The following HS3ST3A1 variants were observed in gnomAD, a reference collection of about 807,000 sequenced individuals.
HS3ST3A1 encodes the protein heparan sulfate glucosamine 3-O-sulfotransferase 3A1.
In HS3ST3A1, 19 loss-of-function variants were observed where a neutral mutation model predicts 25.7. The ratio of observed to expected loss-of-function variants is 0.74; its 90% CI spans 0.52 to 1.08. The LOEUF is 1.08. Ranked by LOEUF, HS3ST3A1 falls within the 50% of genes least tolerant of loss-of-function variation. The pLI is 0.00. For synonymous variants in HS3ST3A1, 226 were observed against 278.6 expected (o/e 0.81, Z 1.88); for missense variants, 459 against 594.3 (o/e 0.77, Z 2.37).
intron 1 of HS3ST3A1, among the ~76,000 whole-genome samples, chr17:13,593,063 C>T (rs1440290879): frequency 6.6e-6 from 1 of 152,120 alleles, no homozygotes; most frequent in Non-Finnish European, 1.5e-5. Flanking sequence ...AAAGTGTCTA[C>T]AACAAAGGTT....
At chr17:13,585,647 C>T (rs1455426916) in intron 1 of HS3ST3A1, among the ~76,000 whole-genome samples, 1 of 151,840 alleles carries the variant, frequency 6.6e-6, no homozygotes, top group African/African-American at 2.4e-5. Flanking sequence ...CAGTAGGACT[C>T]GGAAGACCTA....
intron 1 of HS3ST3A1, among the ~76,000 whole-genome samples, chr17:13,521,875 CTTTG>C (rs1906256371): frequency 6.6e-6 from 1 of 152,118 alleles, no homozygotes; most frequent in South Asian, 2.1e-4. Context: ...ATGGATAATT[CTTTG>C]TTTGGGGGCT....
At chr17:13,514,137 A>AT (rs930389006) in intron 1 of HS3ST3A1, among the ~76,000 whole-genome samples, 1 of 151,126 alleles carries the variant, frequency 6.6e-6, no homozygotes, top group African/African-American at 2.4e-5. Context: ...TTCTAATGGG[A>AT]TTTTTTTTCT....
At chr17:13,599,690 G>A (rs1159903610) in intron 1 of HS3ST3A1, among the ~76,000 whole-genome samples, 1 of 152,184 alleles carries the variant, frequency 6.6e-6, no homozygotes, top group Non-Finnish European at 1.5e-5. Context: ...AATTTGAAGA[G>A]ACTGGCAAAT....
rs5819419 is a variant in HS3ST3A1 at position 13,593,233 on chromosome 17, C to CAAAAAAAAAA, written c.599+7288_599+7297dup. The stretch of plus-strand genomic sequence containing the variant: ...CACCTGTTCCTTCTATGTTTGTAGC[C>CAAAAAAAAAA]AAAAAAAAAAAAAAAAAAAAGTCAT... On this transcript the variant is annotated intron_variant, in intron 1 of 1. Transcript: ENST00000284110. Among the ~76,000 whole-genome samples the CAAAAAAAAAA allele has an allele frequency of 1.2e-3, 127 of 103,160 alleles. 5 individuals are homozygous for CAAAAAAAAAA. The highest frequency in any genetic ancestry group is 4.0e-3 in the African/African-American group (113 of 28,136). The allele number at this position is 103,160 out of a possible 152,430, so 67.7% of individuals were successfully genotyped here.
rs143458070 is a variant in HS3ST3A1, at chr17:13,546,839, G to A, written c.600-50021C>T. Among the ~76,000 whole-genome samples the A allele has an allele frequency of 1.0e-3, 157 of 152,298 alleles. 1 individual carries two copies. Among genetic ancestry groups the A allele is most frequent in the African/African-American group, 3.7e-3 (152 of 41,574 alleles). ...ATTTGTTGAATAAATGAAAATACTT[G>A]TGTCATGATAAAAGGGATTCTGGAG... On this transcript the variant is annotated intron_variant, in intron 1 of 1. Transcript: ENST00000284110.
At chr17:13,599,075 C>G (rs1164306706) in intron 1 of HS3ST3A1, among the ~76,000 whole-genome samples, 2 of 152,010 alleles carry the variant, frequency 1.3e-5, no homozygotes, top group African/African-American at 4.8e-5. Flanking sequence ...ACAGAGCTGC[C>G]TTTGTGCTAA....
chr17:13,500,933 T>G (rs564355401), intron 1 of HS3ST3A1, among the ~76,000 whole-genome samples: 1 of 152,366 alleles, frequency 6.6e-6, no homozygotes, highest in African/African-American at 2.4e-5. Context: ...AATGGAATAC[T>G]ATTCAGAAAT....
chr17:13,569,627 T>A (rs73296177), intron 1 of HS3ST3A1, among the ~76,000 whole-genome samples: 7,339 of 152,232 alleles, frequency 0.048, 382 homozygotes, highest in East Asian at 0.12. Flanking sequence ...TCCATTTCTA[T>A]CTCTCTATAC....
intron 1 of HS3ST3A1, among the ~76,000 whole-genome samples, chr17:13,540,295 C>A (rs1288045426): frequency 6.6e-6 from 1 of 152,062 alleles, no homozygotes; most frequent in Non-Finnish European, 1.5e-5. Context: ...TGAGTTCTTG[C>A]CAAAGGGTTC....
At chr17:13,595,556 A>G (rs1181637141) in intron 1 of HS3ST3A1, among the ~76,000 whole-genome samples, 2 of 152,188 alleles carry the variant, frequency 1.3e-5, no homozygotes, top group Non-Finnish European at 2.9e-5. Flanking sequence ...ATTTCCTCTG[A>G]TTACATATTA....
At chr17:13,586,375 A>T (rs1014282704) in intron 1 of HS3ST3A1, among the ~76,000 whole-genome samples, 1 of 151,666 alleles carries the variant, frequency 6.6e-6, no homozygotes, top group Admixed American at 6.6e-5. Flanking sequence ...TCCGTATGCC[A>T]CCGAGAACTA....
At chr17:13,546,147 C>T (rs1907083772) in intron 1 of HS3ST3A1, among the ~76,000 whole-genome samples, 1 of 152,212 alleles carries the variant, frequency 6.6e-6, no homozygotes, top group African/African-American at 2.4e-5. Context: ...AACTCCTCAC[C>T]ACTAAGATGC....
intron 1 of HS3ST3A1, among the ~76,000 whole-genome samples, chr17:13,580,042 A>C (rs544561680): frequency 6.6e-6 from 1 of 151,798 alleles, no homozygotes; most frequent in Admixed American, 6.6e-5. Context: ...CCAGTTTTGC[A>C]TTTGCCATGT....
At chr17:13,569,578 T>A (rs1423857160) in intron 1 of HS3ST3A1, among the ~76,000 whole-genome samples, 1 of 152,146 alleles carries the variant, frequency 6.6e-6, no homozygotes, top group East Asian at 1.9e-4. Flanking sequence ...ATCAGGTGAT[T>A]CACGGCCAGT....
At chr17:13,517,926 G>A (rs928301133) in intron 1 of HS3ST3A1, among the ~76,000 whole-genome samples, 2 of 152,228 alleles carry the variant, frequency 1.3e-5, no homozygotes, top group Admixed American at 6.5e-5. Flanking sequence ...TTACAGGCAT[G>A]AGTCACTGTG....
At chr17:13,497,329 C>G (rs537653799) in intron 1 of HS3ST3A1, among the ~76,000 whole-genome samples, 24 of 152,260 alleles carry the variant, frequency 1.6e-4, no homozygotes, top group Non-Finnish European at 2.4e-4. Context: ...CTGAGTTTTC[C>G]TGCAACAAAC....
At position 13,600,798 on chromosome 17, in the gene HS3ST3A1, G is replaced by A; in HGVS notation, c.332C>T (p.Ala111Val). The A allele has an allele frequency of 7.0e-7, 1 of 1,423,736 alleles. No homozygotes were observed. The highest frequency in any genetic ancestry group is 3.4e-5 in the Admixed American group (1 of 29,468). 88.2% of individuals were successfully genotyped at this position (1,423,736 alleles called of 1,614,324 possible). ...PPAPRDDGEE[A>V]AWEEESPGLS... Reference sequence around the variant, plus strand: ...GCCAGGGGACTCTTCTTCCCAGGCCGCCTCCTCGCCGTCGTCGCGGGGCGC... The same window carrying A: ...GCCAGGGGACTCTTCTTCCCAGGCCACCTCCTCGCCGTCGTCGCGGGGCGC... Residue 111 changes from alanine (A) to valine (V), a missense_variant, in exon 1 of 2, where the codon GCG (alanine) becomes GTG (valine). Transcript: ENST00000284110.
At chr17:13,594,331 C>T (rs1211150388) in intron 1 of HS3ST3A1, among the ~76,000 whole-genome samples, 39 of 152,270 alleles carry the variant, frequency 2.6e-4, no homozygotes, top group Admixed American at 2.5e-3. Context: ...AGCCTGCTCT[C>T]CCAGGCCCTG....
Sources: allele counts gnomAD v4.1 joint callset (sites outside exome capture counted in the v4.1 genomes callset), GRCh38; gene constraint gnomAD v4.1.1; transcripts MANE v1.5; gene names NCBI Gene and HGNC (gene_info 2026-07-23, HGNC 2026-07-21).